Variants in TSPEAR observed in about 807,000 individuals in gnomAD.
TSPEAR encodes thrombospondin type laminin G domain and EAR repeats, also known as thrombospondin-type laminin G domain and EAR repeat-containing protein.
In TSPEAR, 69 loss-of-function variants were observed where a neutral mutation model predicts 71.6. The ratio of observed to expected loss-of-function variants is 0.96; its 90% CI spans 0.79 to 1.18. The LOEUF (loss-of-function observed/expected upper bound fraction) is 1.18. TSPEAR is among the 50% of genes most tolerant of loss of function. The pLI, the probability that TSPEAR is intolerant of heterozygous loss-of-function variation, is 0.00. For synonymous variants in TSPEAR, 402 were observed against 387.2 expected, an observed-to-expected ratio of 1.04 and a Z score of -0.45; for missense variants, 971 against 894.9, an observed-to-expected ratio of 1.09 and a Z score of -1.09.
intron 1 of TSPEAR, among the ~76,000 whole-genome samples, chr21:44,585,073 AT>A (rs761553089): frequency 8.7e-4 from 133 of 152,132 alleles, no homozygotes; most frequent in Non-Finnish European, 1.6e-3. Context: ...GCATCTGCGG[AT>A]TTTTGTGGAC....
chr21:44,638,434 A>C (rs1410898367), intron 1 of TSPEAR: 2 of 385,528 alleles, frequency 5.2e-6, no homozygotes, highest in South Asian at 3.3e-5. Context: ...GTTCTAATAA[A>C]GCCGCCTCTG....
chr21:44,539,167 G>T, intron 2 of TSPEAR: 1 of 1,406,160 alleles, frequency 7.1e-7, no homozygotes, highest in Non-Finnish European at 9.4e-7. Flanking sequence ...AAGGAGGGGG[G>T]GTCACCTCAG....
At chr21:44,569,152 C>G (rs465079) in intron 1 of TSPEAR, among the ~76,000 whole-genome samples, 141,512 of 152,240 alleles carry the variant, frequency 0.93, 65,928 homozygotes, top group Non-Finnish European at 0.96. Flanking sequence ...AGTGAGACTT[C>G]GATCCTCTGT....
intron 1 of TSPEAR, among the ~76,000 whole-genome samples, chr21:44,569,411 C>T (rs1297658046): frequency 6.6e-6 from 1 of 152,120 alleles, no homozygotes; most frequent in South Asian, 2.1e-4. Flanking sequence ...GCAAAGCAGC[C>T]GTGAGCACCC....
intron 1 of TSPEAR, among the ~76,000 whole-genome samples, chr21:44,692,316 A>G (rs1555949825): frequency 3.3e-5 from 5 of 152,234 alleles, no homozygotes; most frequent in African/African-American, 1.2e-4. Context: ...GTCCCTTTTC[A>G]CCACCAATAT....
intron 1 of TSPEAR, among the ~76,000 whole-genome samples, chr21:44,644,290 G>A: frequency 6.6e-6 from 1 of 152,192 alleles, no homozygotes; most frequent in Non-Finnish European, 1.5e-5. Context: ...GACTGTACGT[G>A]CACTGTGTGT....
At chr21:44,516,384 GTCC>G (rs1309474177) in intron 9 of TSPEAR, 10 of 152,406 alleles carry the variant, frequency 6.6e-5, no homozygotes, top group African/African-American at 1.2e-4. Context: ...TGTGGCAACT[GTCC>G]TCCTCAGTGG....
chr21:44,573,748 C>T (rs1555923028), intron 1 of TSPEAR: 1 of 1,611,060 alleles, frequency 6.2e-7, no homozygotes, highest in Non-Finnish European at 8.5e-7. Context: ...CCCAGCACAG[C>T]AGCATCCACC....
At chr21:44,507,271 C>G (rs975393047) in intron 10 of TSPEAR, among the ~76,000 whole-genome samples, 1 of 152,188 alleles carries the variant, frequency 6.6e-6, no homozygotes, top group African/African-American at 2.4e-5. Flanking sequence ...GCAGCCATGG[C>G]TGCACATATC....
intron 1 of TSPEAR, among the ~76,000 whole-genome samples, chr21:44,586,649 C>A (rs895537697): frequency 6.7e-6 from 1 of 148,828 alleles, no homozygotes; most frequent in African/African-American, 2.5e-5. Flanking sequence ...GCCTCAGGCA[C>A]CTACTCATCT....
intron 1 of TSPEAR, chr21:44,611,931 A>G: frequency 1.5e-6 from 1 of 686,732 alleles, no homozygotes; most frequent in South Asian, 1.8e-5. Context: ...ACAGCAAGTA[A>G]ACTAATTAGG....
intron 1 of TSPEAR, chr21:44,646,992 C>T: frequency 6.2e-7 from 1 of 1,613,884 alleles, no homozygotes; most frequent in Non-Finnish European, 8.5e-7. Context: ...AGCCAGCTTG[C>T]TGCACCTCCT....
intron 1 of TSPEAR, chr21:44,627,372 C>T: frequency 6.2e-6 from 10 of 1,613,768 alleles, no homozygotes; most frequent in Non-Finnish European, 6.8e-6. Context: ...CCAGCCCCTG[C>T]CAATCAGGCT....
Position 44,567,901 on chromosome 21 carries a change from C to G in TSPEAR, c.187G>C (p.Val63Leu). 1 of 1,608,406 alleles carries G rather than the reference C, an allele frequency of 6.2e-7. No individual in the cohort carries two copies. The highest frequency in any genetic ancestry group is 8.5e-7 in the Non-Finnish European group (1 of 1,176,478). The change falls in exon 2 of 12, where the codon GTA (valine) becomes CTA (leucine). Residue 63 changes from valine to leucine, a missense_variant. Coordinates refer to ENST00000323084, the MANE Select transcript of TSPEAR (RefSeq NM_144991.3). ...AAGCTCATGGTGCGGGGGGCGGCTA[C>G]TGAGAGCTGGAGTCCCCGTGCACCG... ...VHGARGLQLS[V>L]AAPRTMSFPA...
At chr21:44,538,523 C>A (rs1401257207) in intron 2 of TSPEAR, among the ~76,000 whole-genome samples, 1 of 152,066 alleles carries the variant, frequency 6.6e-6, no homozygotes, top group Non-Finnish European at 1.5e-5. Context: ...CCCATCGAGT[C>A]CCTTGTCTCC....
intron 2 of TSPEAR, among the ~76,000 whole-genome samples, chr21:44,547,291 T>C (rs905525266): frequency 6.6e-6 from 1 of 152,360 alleles, no homozygotes; most frequent in Non-Finnish European, 1.5e-5. Context: ...ATTCTCCTGG[T>C]TTATCTTAAT....
At chr21:44,606,304 C>T (rs1555929836) in intron 1 of TSPEAR, among the ~76,000 whole-genome samples, 2 of 151,996 alleles carry the variant, frequency 1.3e-5, no homozygotes, top group Non-Finnish European at 2.9e-5. Context: ...GGAAAATGCA[C>T]ATTGAAGATG....
rs146816629 is a variant in TSPEAR at position 44,673,995 on chromosome 21, C to T, written c.82+37438G>A. Among the ~76,000 whole-genome samples the T allele has an allele frequency of 3.7e-3, 558 of 151,870 alleles. 9 individuals carry two copies. The highest frequency in any genetic ancestry group is 0.013 in the African/African-American group (531 of 41,456). On this transcript the variant is annotated intron_variant, in intron 1 of 11. Coordinates refer to ENST00000323084, the MANE Select transcript of TSPEAR (RefSeq NM_144991.3). ...AGAGGGACGTTAGTAGTAATAAATG[C>T]CTACATCAAAAAGGTAGATGTGGTG...
intron 1 of TSPEAR, among the ~76,000 whole-genome samples, chr21:44,684,712 G>A (rs561042875): frequency 5.9e-5 from 9 of 151,736 alleles, no homozygotes; most frequent in Non-Finnish European, 1.2e-4. Flanking sequence ...CAACGTGCAC[G>A]GATGTGCTTT....
Sources: gnomAD v4.1 joint callset for allele counts (sites outside exome capture counted in the v4.1 genomes callset) on GRCh38, gnomAD v4.1.1 for gene constraint, MANE v1.5 for transcripts, NCBI Gene and HGNC (gene_info 2026-07-23, HGNC 2026-07-21) for gene names.